The following KSR1 variants were observed in gnomAD, a reference collection of about 807,000 sequenced individuals.
KSR1 encodes kinase suppressor of ras 1.
In KSR1, 35 loss-of-function variants were observed where a neutral mutation model predicts 92.9. The ratio of observed to expected loss-of-function variants is 0.38; its 90% CI spans 0.29 to 0.50. KSR1 has a LOEUF of 0.50. KSR1 is among the 20% of genes least tolerant of loss of function. The probability of loss-of-function intolerance (pLI) is 0.94; values close to 1 mark genes in which losing one functional copy is unlikely to be tolerated. For synonymous variants in KSR1, 467 were observed against 472.6 expected (o/e 0.99, Z 0.15); for missense variants, 972 against 1,158.5 (o/e 0.84, Z 2.34).
At chr17:27,576,665 T>A (rs2072519578) in intron 2 of KSR1, among the ~76,000 whole-genome samples, 1 of 152,180 alleles carries the variant, frequency 6.6e-6, no homozygotes, top group Admixed American at 6.5e-5. Flanking sequence ...TCCGGTGGGA[T>A]GGAGCTGGAT....
rs546526161 is a variant in KSR1, at chr17:27,512,032, G to T, written c.232-38536G>T. On this transcript the variant is annotated intron_variant, in intron 1 of 20. Coordinates refer to ENST00000644974, the MANE Select transcript of KSR1 (RefSeq NM_001394583.1). The stretch of plus-strand genomic sequence containing the variant: ...TGTGTATGTTAAGTTAGCTTGAGCC[G>T]ACTCTTCAGGGCTGGAGTAGACCAG... 1.1e-4 allele frequency among the ~76,000 whole-genome samples: 17 copies of T among 152,310 alleles called. No homozygotes were observed. In the South Asian group the frequency reaches 3.5e-3, roughly 32 times the overall value.
Position 27,561,369 on chromosome 17 carries a change from C to T in KSR1, c.372+10661C>T, listed in dbSNP as rs113263351. Among the ~76,000 whole-genome samples, 559 of 152,294 alleles carry T rather than the reference C, an allele frequency of 3.7e-3. 1 individual carries two copies. Among genetic ancestry groups the T allele is most frequent in the African/African-American group, 0.012 (512 of 41,562 alleles). On this transcript the variant is annotated intron_variant, in intron 2 of 20. Coordinates refer to ENST00000644974, the MANE Select transcript of KSR1 (RefSeq NM_001394583.1). ...ATTTCTTCTTTCCTTTACATTCACT[C>T]GTTACTCATATGCACCCATTGATCA...
rs995363877 is a variant in KSR1 at position 27,625,353 on chromosome 17, C to T, written c.*1961C>T. Reference sequence around the variant, plus strand: ...CCACAGAAAGTCAGTCTGGGTTTTGCTTTTCTCGTGAGCATCACAGTTAAA... The same window carrying T: ...CCACAGAAAGTCAGTCTGGGTTTTGTTTTTCTCGTGAGCATCACAGTTAAA... On this transcript the variant is annotated 3_prime_UTR_variant, in exon 21 of 21. Transcript: ENST00000644974. 1 of 152,308 alleles carries T rather than the reference C, an allele frequency of 6.6e-6. No homozygotes were observed. The highest frequency in any genetic ancestry group is 1.5e-5 in the Non-Finnish European group (1 of 68,080). The allele number at this position is 152,308 out of a possible 1,614,324, so 9.4% of individuals were successfully genotyped here.
chr17:27,580,157 C>G (rs1725910586), intron 3 of KSR1, among the ~76,000 whole-genome samples: 2 of 152,080 alleles, frequency 1.3e-5, no homozygotes, highest in Non-Finnish European at 1.5e-5. Context: ...GGGCTTGTTT[C>G]CTTTGGTGGC....
At chr17:27,593,879 C>T (rs1243611291) in intron 9 of KSR1, among the ~76,000 whole-genome samples, 1 of 152,220 alleles carries the variant, frequency 6.6e-6, no homozygotes, top group Non-Finnish European at 1.5e-5. Context: ...CACCTTCTCA[C>T]AGATGTCACT....
chr17:27,624,228 C>G lies in KSR1; in HGVS notation c.*836C>G, dbSNP rs2074294299. The G allele has an allele frequency of 6.6e-6, 1 of 152,278 alleles. No homozygotes were observed. The highest frequency in any genetic ancestry group is 1.5e-5 in the Non-Finnish European group (1 of 68,096). 9.4% of individuals were successfully genotyped at this position (152,278 alleles called of 1,614,324 possible). A position where few individuals can be genotyped will look rare whatever the true frequency, so the allele number is the denominator to read the frequency against. ...CTTTTAGATACATCCCAGTCCCTGACTGACATCTGACCATGAGGGCTGGAT... is the reference window on the plus strand; with the variant it reads ...CTTTTAGATACATCCCAGTCCCTGAGTGACATCTGACCATGAGGGCTGGAT... On this transcript the variant is annotated 3_prime_UTR_variant, in exon 21 of 21. Transcript: ENST00000644974.
intron 2 of KSR1, among the ~76,000 whole-genome samples, chr17:27,556,528 A>G (rs1304595591): frequency 6.6e-6 from 1 of 152,190 alleles, no homozygotes; most frequent in Non-Finnish European, 1.5e-5. Flanking sequence ...GGCCTGCTCA[A>G]CTTTTTAATG....
In KSR1 at chr17:27,617,238, G is replaced by C. The variant is rs1567895001; in HGVS notation, c.2494-57G>C. 3.2e-6 allele frequency: 5 copies of C among 1,554,334 alleles called. No individual in the cohort carries two copies. In the East Asian group the frequency reaches 1.2e-4, roughly 36 times the overall value. ...GGACCCTTTGTGGAGCACCCCTACT[G>C]TGTGCCCCCTCCCTCCCAGCCAGCT... On this transcript the variant is annotated intron_variant, in intron 18 of 20. Transcript: ENST00000644974.
chr17:27,554,955 G>A (rs942901860), intron 2 of KSR1, among the ~76,000 whole-genome samples: 1 of 152,170 alleles, frequency 6.6e-6, no homozygotes, highest in South Asian at 2.1e-4. Context: ...TAACGTTGTC[G>A]TGACCACAGT....
intron 1 of KSR1, among the ~76,000 whole-genome samples, chr17:27,490,232 A>G (rs1232049801): frequency 1.3e-5 from 2 of 152,222 alleles, no homozygotes; most frequent in Non-Finnish European, 2.9e-5. Context: ...TTAAGCATAT[A>G]GTAAATGTTA....
intron 20 of KSR1, chr17:27,623,028 G>C (rs1473938295): frequency 1.0e-5 from 5 of 481,622 alleles, no homozygotes; most frequent in Non-Finnish European, 1.8e-5. Flanking sequence ...CTGCAAATGA[G>C]AAAACAATTC....
intron 1 of KSR1, among the ~76,000 whole-genome samples, chr17:27,547,740 G>T: frequency 6.6e-6 from 1 of 151,976 alleles, no homozygotes; most frequent in African/African-American, 2.4e-5. Flanking sequence ...TATTTGAGAC[G>T]ATCACTAAGG....
rs777243127 is a variant in KSR1 at position 27,609,260 on chromosome 17, A to G, written c.2156A>G (p.Tyr719Cys). The G allele has an allele frequency of 1.9e-6, 3 of 1,614,010 alleles. No individual in the cohort carries two copies. The highest frequency in any genetic ancestry group is 2.5e-6 in the Non-Finnish European group (3 of 1,179,890). The change falls in exon 16 of 21, where the codon TAT becomes TGT. Residue 719 changes from tyrosine to cysteine, a missense_variant. Transcript: ENST00000644974. ...GATCTCAAATCTAAGAACGTCTTCT[A>G]TGACAACGGCAAGGTGGTCATCACA... Reference protein sequence around the residue: ...HKDLKSKNVFYDNGKVVITDF... With the variant: ...HKDLKSKNVFCDNGKVVITDF...
intron 18 of KSR1, among the ~76,000 whole-genome samples, chr17:27,614,423 T>C (rs529085614): frequency 5.1e-4 from 78 of 152,356 alleles, no homozygotes; most frequent in Admixed American, 2.2e-3. Flanking sequence ...GGCAACAGTT[T>C]GTTTCCTTTC....
Position 27,611,558 on chromosome 17 carries a change from A to G in KSR1, c.2422A>G (p.Ile808Val), listed in dbSNP as rs779236106. The change falls in exon 18 of 21, where the codon ATC (isoleucine) becomes GTC (valine). Residue 808 changes from isoleucine (I) to valine (V), a missense_variant. Ile to Val is a conservative substitution (Grantham distance 29). Coordinates refer to ENST00000644974, the MANE Select transcript of KSR1 (RefSeq NM_001394583.1). The stretch of plus-strand genomic sequence containing the variant: ...GAAGAACCAGGCTGCAGAGGCATCC[A>G]TCTGGCAGATTGGAAGCGGGGAAGG... ...PLKNQAAEASIWQIGSGEGMK... is the reference protein window; with the variant it reads ...PLKNQAAEASVWQIGSGEGMK... The G allele has an allele frequency of 9.9e-6, 16 of 1,613,782 alleles. No homozygotes were observed. In the East Asian group the frequency reaches 2.9e-4, roughly 29 times the overall value.
chr17:27,583,202 G>A (rs999383565), intron 4 of KSR1, 97 bp downstream of exon 4: 5 of 824,478 alleles, frequency 6.1e-6, no homozygotes, highest in Non-Finnish European at 9.2e-6. Context: ...CCCTATAGAC[G>A]TGTGTAAAGT....
intron 1 of KSR1, among the ~76,000 whole-genome samples, chr17:27,541,740 T>A (rs1021773190): frequency 6.6e-6 from 1 of 152,262 alleles, no homozygotes; most frequent in Non-Finnish European, 1.5e-5. Flanking sequence ...TTACAAAGGC[T>A]GGTGCCTTGG....
intron 2 of KSR1, among the ~76,000 whole-genome samples, chr17:27,555,084 G>A (rs2071541363): frequency 6.6e-6 from 1 of 152,108 alleles, no homozygotes; most frequent in African/African-American, 2.4e-5. Context: ...TCAATCCAGG[G>A]CACCGCATGG....
At chr17:27,478,811 A>T (rs1314854136) in intron 1 of KSR1, among the ~76,000 whole-genome samples, 1 of 152,100 alleles carries the variant, frequency 6.6e-6, no homozygotes, top group Non-Finnish European at 1.5e-5. Context: ...GACCCTGGGC[A>T]GGTCCCCTCC....
Sources: gnomAD v4.1 joint callset for allele counts (sites outside exome capture counted in the v4.1 genomes callset) on GRCh38, gnomAD v4.1.1 for gene constraint, MANE v1.5 for transcripts, NCBI Gene and HGNC (gene_info 2026-07-23, HGNC 2026-07-21) for gene names.